The following GALNTL6 variants were observed in gnomAD, a reference collection of about 807,000 sequenced individuals.
The protein encoded by GALNTL6 is polypeptide N-acetylgalactosaminyltransferase like 6.
Under a neutral mutation model 73.7 loss-of-function variants are expected in GALNTL6, and 46 were observed. That is an observed-to-expected ratio of 0.62 (90% confidence interval 0.49 to 0.80). The LOEUF (loss-of-function observed/expected upper bound fraction) is 0.80. GALNTL6 is among the 30% of genes least tolerant of loss of function. The pLI is 0.00. For missense variants in GALNTL6, 604 were observed against 755.0 expected (o/e 0.80, Z 2.34); for synonymous variants, 259 against 263.7 (o/e 0.98, Z 0.17).
intron 5 of GALNTL6, among the ~76,000 whole-genome samples, chr4:172,566,640 A>T (rs1296853547): frequency 6.6e-6 from 1 of 152,086 alleles, no homozygotes. Flanking sequence ...AAAGAAAAAA[A>T]CTACATCCAA....
intron 12 of GALNTL6, among the ~76,000 whole-genome samples, chr4:173,022,030 A>G (rs13150024): frequency 4.3e-5 from 3 of 69,232 alleles, no homozygotes; most frequent in African/African-American, 6.7e-5. Flanking sequence ...AAGGAAGGAA[A>G]GAAGGAAGGA....
At chr4:173,038,470 T>C (rs528176212) in intron 12 of GALNTL6, among the ~76,000 whole-genome samples, 6 of 152,282 alleles carry the variant, frequency 3.9e-5, no homozygotes, top group African/African-American at 1.4e-4. Flanking sequence ...TCTCAGAGTC[T>C]TTCCCTGGGG....
At chr4:172,095,654 G>A (rs1732330258) in intron 2 of GALNTL6, among the ~76,000 whole-genome samples, 1 of 152,000 alleles carries the variant, frequency 6.6e-6, no homozygotes, top group African/African-American at 2.4e-5. Flanking sequence ...ACATCATAAA[G>A]CAGAGCATAG....
At chr4:172,191,054 A>C (rs1207797764) in intron 2 of GALNTL6, among the ~76,000 whole-genome samples, 1 of 152,176 alleles carries the variant, frequency 6.6e-6, no homozygotes, top group African/African-American at 2.4e-5. Flanking sequence ...TGTGTTGATG[A>C]CTTTGAAATA....
chr4:172,718,792 TTA>T (rs1158696969), intron 5 of GALNTL6, among the ~76,000 whole-genome samples: 2 of 152,198 alleles, frequency 1.3e-5, no homozygotes, highest in African/African-American at 2.4e-5. Context: ...AGTCAGTTTA[TTA>T]TTTTTTAAAA....
chr4:172,374,993 C>A (rs539277394), intron 5 of GALNTL6, among the ~76,000 whole-genome samples: 25 of 152,272 alleles, frequency 1.6e-4, no homozygotes, highest in African/African-American at 5.8e-4. Context: ...TTCCCCTCCC[C>A]CTATAGCTTG....
chr4:172,094,544 A>G (rs958077121), intron 2 of GALNTL6, among the ~76,000 whole-genome samples: 7 of 152,104 alleles, frequency 4.6e-5, no homozygotes, highest in Non-Finnish European at 1.0e-4. Flanking sequence ...ATATAATCAA[A>G]CCTAGTTAAC....
chr4:172,995,869 C>A (rs1385180055), intron 10 of GALNTL6, among the ~76,000 whole-genome samples: 1 of 152,150 alleles, frequency 6.6e-6, no homozygotes, highest in African/African-American at 2.4e-5. Context: ...TTTTCAAAAA[C>A]CCTTGGTCAG....
Position 172,229,701 on chromosome 4 carries a change from G to A in GALNTL6, c.184G>A (p.Asp62Asn). Reference protein sequence around the residue: ...LGDGQFYSWTDGLRRKDWHDY... With the variant: ...LGDGQFYSWTNGLRRKDWHDY... ...AGATGGGCAATTCTATTCATGGACA[G>A]ATGGTTTGAGAAGAAAGGACTGGCA... The change falls in exon 3 of 13, where the codon GAT becomes AAT. Residue 62 changes from aspartate to asparagine, a missense_variant. By Grantham distance (23) the Asp-to-Asn change is conservative. Around this residue, in one of 5 missense-constraint regions of GALNTL6, gnomAD observed 141 missense variants for 156.6 expected, o/e 0.90. Transcript: ENST00000506823. 6.2e-7 allele frequency: 1 copy of A among 1,613,982 alleles called. No individual in the cohort carries two copies. Among genetic ancestry groups the A allele is most frequent in the East Asian group, 2.2e-5 (1 of 44,872 alleles).
intron 5 of GALNTL6, among the ~76,000 whole-genome samples, chr4:172,478,977 A>G (rs1182285832): frequency 1.3e-5 from 2 of 152,340 alleles, no homozygotes; most frequent in East Asian, 1.9e-4. Context: ...ACCTTACCCT[A>G]GTCAGAATAG....
chr4:172,957,008 G>T (rs997366324), intron 10 of GALNTL6, among the ~76,000 whole-genome samples: 1 of 152,170 alleles, frequency 6.6e-6, no homozygotes, highest in Non-Finnish European at 1.5e-5. Flanking sequence ...AGATGACCGT[G>T]GTGGCCTTCT....
intron 5 of GALNTL6, among the ~76,000 whole-genome samples, chr4:172,583,596 G>A (rs1737277624): frequency 6.6e-6 from 1 of 152,122 alleles, no homozygotes; most frequent in Admixed American, 6.6e-5. Context: ...ACTGAACAGT[G>A]TAAGTTCTAA....
chr4:171,985,036 A>G (rs1740024571), intron 2 of GALNTL6, among the ~76,000 whole-genome samples: 1 of 151,252 alleles, frequency 6.6e-6, no homozygotes, highest in African/African-American at 2.4e-5. Context: ...CCTTGCCTTT[A>G]GGTAGATTAT....
intron 5 of GALNTL6, among the ~76,000 whole-genome samples, chr4:172,367,286 A>T (rs1036530763): frequency 2.6e-5 from 4 of 152,172 alleles, no homozygotes; most frequent in Admixed American, 2.0e-4. Flanking sequence ...AGGATGAAAA[A>T]GGTTGCTTAT....
At position 171,937,461 on chromosome 4, in the gene GALNTL6, A is replaced by G. The variant is rs17057585; in HGVS notation, c.138+122743A>G. 2.4e-3 allele frequency among the ~76,000 whole-genome samples: 367 copies of G among 152,276 alleles called. 5 individuals carry two copies. The highest frequency in any genetic ancestry group is 3.8e-3 in the Non-Finnish European group (256 of 68,008). ...AAAAGTATACATCTTTGACTATAAA[A>G]GAGCATGTGATTTAAGAAGTTTGTT... On this transcript the variant is annotated intron_variant, in intron 2 of 12. Coordinates refer to ENST00000506823, the MANE Select transcript of GALNTL6 (RefSeq NM_001034845.3).
intron 2 of GALNTL6, among the ~76,000 whole-genome samples, chr4:172,034,395 CGTGCGTGT>C (rs70941377): frequency 0.21 from 28,641 of 139,452 alleles, 3,714 homozygotes; most frequent in Admixed American, 0.3. Context: ...GGGGAGCGTG[CGTGCGTGT>C]GTGTGTGTGT....
intron 10 of GALNTL6, among the ~76,000 whole-genome samples, chr4:172,952,525 G>GT (rs1027282071): frequency 9.3e-5 from 14 of 149,990 alleles, no homozygotes; most frequent in East Asian, 3.9e-4. Flanking sequence ...TTTTGTTTTT[G>GT]TTTTTTTTGA....
intron 2 of GALNTL6, among the ~76,000 whole-genome samples, chr4:171,920,151 T>C (rs1737743135): frequency 6.6e-6 from 1 of 152,088 alleles, no homozygotes; most frequent in Non-Finnish European, 1.5e-5. Flanking sequence ...ACACCGCTTG[T>C]TCTCACTCTT....
intron 5 of GALNTL6, among the ~76,000 whole-genome samples, chr4:172,705,447 TAA>T (rs36060764): frequency 6.7e-6 from 1 of 148,254 alleles, no homozygotes; most frequent in African/African-American, 2.5e-5. Flanking sequence ...ACAATAAATT[TAA>T]AAAAAAAAAC....
Sources: allele counts gnomAD v4.1 joint callset (sites outside exome capture counted in the v4.1 genomes callset), GRCh38; gene constraint gnomAD v4.1.1; regional missense constraint gnomAD v4.1.1; transcripts MANE v1.5; gene names NCBI Gene and HGNC (gene_info 2026-07-23, HGNC 2026-07-21).